CENPW: variants seen among roughly 807,000 people sequenced by gnomAD.
CENPW encodes centromere protein W.
CENPW carries 3 observed loss-of-function variants against 11.1 expected under a neutral mutation model. That is an observed-to-expected ratio of 0.27 (90% CI 0.12 to 0.70). The LOEUF (loss-of-function observed/expected upper bound fraction) is 0.70, where lower values mean the gene tolerates loss of function less well. CENPW is among the 30% of genes least tolerant of loss of function. CENPW has a pLI of 0.77. For missense variants in CENPW, 100 were observed against 105.6 expected (o/e 0.95, Z 0.23); for synonymous variants, 38 against 42.0 (o/e 0.91, Z 0.37).
the CENPW span, among the ~76,000 whole-genome samples, chr6:126,373,207 A>G: frequency 4.6e-5 from 7 of 152,322 alleles, no homozygotes; most frequent in African/African-American, 1.7e-4. Context: ...ATGAAACTCT[A>G]AAGTATTTAT....
At chr6:126,419,133 G>T in the CENPW span, among the ~76,000 whole-genome samples, 1 of 152,012 alleles carries the variant, frequency 6.6e-6, no homozygotes, top group Non-Finnish European at 1.5e-5. Context: ...CCAACAGCAT[G>T]TGCCTTGGCA....
the CENPW span, among the ~76,000 whole-genome samples, chr6:126,398,333 G>A: frequency 2.6e-4 from 40 of 152,100 alleles, no homozygotes; most frequent in African/African-American, 8.9e-4. Context: ...GTGCTTTGTA[G>A]GTGCCAAATA....
the CENPW span, among the ~76,000 whole-genome samples, chr6:126,470,109 G>A: frequency 1.3e-5 from 2 of 152,212 alleles, no homozygotes; most frequent in African/African-American, 4.8e-5. Context: ...GACAATGGAG[G>A]AACTGTCTCA....
At chr6:126,480,978 C>T in the CENPW span, among the ~76,000 whole-genome samples, 1 of 151,924 alleles carries the variant, frequency 6.6e-6, no homozygotes, top group Non-Finnish European at 1.5e-5. Flanking sequence ...ATCTCAACTA[C>T]CACACATAGC....
the CENPW span, among the ~76,000 whole-genome samples, chr6:126,408,114 A>C: frequency 1.3e-5 from 2 of 152,098 alleles, no homozygotes; most frequent in Non-Finnish European, 2.9e-5. Context: ...ATGGTGCTGG[A>C]ACAACTGGGT....
chr6:126,346,328 A>G lies in CENPW; in HGVS notation c.240+10A>G. On this transcript the variant is annotated intron_variant, in intron 2 of 2. Transcript: ENST00000368328. ...ACTGGCCGCAGCAAAGGTAAAATCC[A>G]AATTTCTTTTCTCGAGCAAGAATTA... 1 of 1,550,944 alleles carries G rather than the reference A, an allele frequency of 6.4e-7. No homozygotes were observed.
At chr6:126,364,544 T>G in the CENPW span, among the ~76,000 whole-genome samples, 16 of 152,296 alleles carry the variant, frequency 1.1e-4, no homozygotes, top group African/African-American at 3.8e-4. Flanking sequence ...CTTCCTCTTC[T>G]TCCTGTACAC....
the CENPW span, among the ~76,000 whole-genome samples, chr6:126,467,744 G>A: frequency 2.0e-3 from 310 of 152,202 alleles, no homozygotes; most frequent in African/African-American, 7.2e-3. Flanking sequence ...TTGTTAAGGC[G>A]GGTTGCACAC....
chr6:126,369,308 T>C, the CENPW span, among the ~76,000 whole-genome samples: 1 of 152,218 alleles, frequency 6.6e-6, no homozygotes, highest in East Asian at 1.9e-4. Context: ...AGTAGTGAGA[T>C]TGCTGGATCA....
chr6:126,468,225 A>C, the CENPW span, among the ~76,000 whole-genome samples: 1 of 151,988 alleles, frequency 6.6e-6, no homozygotes, highest in East Asian at 1.9e-4. Context: ...GTTTGAGACC[A>C]GCCTGACCAA....
At chr6:126,429,530 T>C in the CENPW span, among the ~76,000 whole-genome samples, 2 of 152,208 alleles carry the variant, frequency 1.3e-5, no homozygotes, top group South Asian at 2.1e-4. Context: ...CTACTGCCGC[T>C]TCACCCCCTG....
At chr6:126,372,411 A>G in the CENPW span, among the ~76,000 whole-genome samples, 2 of 152,148 alleles carry the variant, frequency 1.3e-5, no homozygotes, top group Non-Finnish European at 2.9e-5. Context: ...ATCTTTTCAA[A>G]ATTGCATATC....
the CENPW span, among the ~76,000 whole-genome samples, chr6:126,442,359 A>G: frequency 1.3e-5 from 2 of 151,070 alleles, no homozygotes; most frequent in Admixed American, 1.3e-4. Context: ...GTTAGTCCTT[A>G]AATAGATGGG....
chr6:126,440,278 A>T, the CENPW span, among the ~76,000 whole-genome samples: 1 of 151,612 alleles, frequency 6.6e-6, no homozygotes, highest in Non-Finnish European at 1.5e-5. Flanking sequence ...ATAATTCCTT[A>T]AACTCTAAAA....
At chr6:126,342,822 CAATT>C (rs1298196470) in intron 1 of CENPW, among the ~76,000 whole-genome samples, 1 of 152,108 alleles carries the variant, frequency 6.6e-6, no homozygotes, top group Non-Finnish European at 1.5e-5. Flanking sequence ...TCTGAGTCTA[CAATT>C]AATTTTGGAA....
chr6:126,400,982 T>C, the CENPW span, among the ~76,000 whole-genome samples: 2 of 152,132 alleles, frequency 1.3e-5, no homozygotes, highest in Non-Finnish European at 2.9e-5. Context: ...ATATTATTTT[T>C]AGTTATTTTA....
At chr6:126,460,939 A>G in the CENPW span, among the ~76,000 whole-genome samples, 1 of 151,938 alleles carries the variant, frequency 6.6e-6, no homozygotes, top group Non-Finnish European at 1.5e-5. Context: ...ACAGGGGATT[A>G]CTTAAAGGCA....
the CENPW span, among the ~76,000 whole-genome samples, chr6:126,388,869 T>A: frequency 6.6e-6 from 1 of 151,972 alleles, no homozygotes; most frequent in Non-Finnish European, 1.5e-5. Context: ...TCTTGTTTAA[T>A]ATCAAATAGT....
At chr6:126,422,423 T>A in the CENPW span, among the ~76,000 whole-genome samples, 4 of 152,056 alleles carry the variant, frequency 2.6e-5, no homozygotes, top group Non-Finnish European at 2.9e-5. Context: ...CCTGGGGCCT[T>A]TCTCCTTGGC....
Sources: allele counts gnomAD v4.1 joint callset (sites outside exome capture counted in the v4.1 genomes callset), GRCh38; gene constraint gnomAD v4.1.1; transcripts MANE v1.5; gene names NCBI Gene and HGNC (gene_info 2026-07-23, HGNC 2026-07-21).